Variants in PCDHGA5 observed in about 807,000 individuals in gnomAD.
PCDHGA5 encodes the protein protocadherin gamma-A5.
A neutral mutation model predicts 56.7 loss-of-function variants in PCDHGA5; 36 were observed. That is an observed-to-expected ratio of 0.64 (90% confidence interval 0.49 to 0.84). PCDHGA5 has a LOEUF of 0.84. PCDHGA5 is among the 40% of genes least tolerant of loss of function. The probability of loss-of-function intolerance (pLI) is 0.00; values close to 1 mark genes in which losing one functional copy is unlikely to be tolerated. For missense variants in PCDHGA5, 1,305 were observed against 1,201.5 expected, an observed-to-expected ratio of 1.09 and a Z score of -1.27; for synonymous variants, 563 against 520.2, an observed-to-expected ratio of 1.08 and a Z score of -1.12.
In PCDHGA5 at chr5:141,486,748, T is replaced by C; in HGVS notation, c.2422-8059T>C. ...TTCATGCTACTCGATCCTTTGACTA[T>C]GAGCAAACCCAGACACTGCAGTTTG... is the stretch of plus-strand genomic sequence containing the variant. On this transcript the variant is annotated intron_variant, in intron 1 of 3. Coordinates refer to ENST00000518069, the MANE Select transcript of PCDHGA5 (RefSeq NM_018918.3). The surrounding 1 kb of genome is among the most constrained non-coding windows in gnomAD (Gnocchi z 5.0). 6.2e-7 allele frequency: 1 copy of C among 1,614,230 alleles called. No individual in the cohort carries two copies. The highest frequency in any genetic ancestry group is 8.5e-7 in the Non-Finnish European group (1 of 1,180,042).
chr5:141,443,999 T>C (rs2098413024), intron 1 of PCDHGA5, among the ~76,000 whole-genome samples: 1 of 152,136 alleles, frequency 6.6e-6, no homozygotes, highest in Non-Finnish European at 1.5e-5. Context: ...TTTTAAATGC[T>C]ACCTGGGTAT....
chr5:141,370,936 T>C (rs1410454711), intron 1 of PCDHGA5: 1 of 1,613,960 alleles, frequency 6.2e-7, no homozygotes, highest in South Asian at 1.1e-5. Flanking sequence ...TTCTCTTTGA[T>C]TCAGAAGGAG....
In PCDHGA5 at chr5:141,419,578, G is replaced by A. The variant is rs1339676992; in HGVS notation, c.2421+52827G>A. The A allele has an allele frequency of 1.9e-6, 3 of 1,611,604 alleles. No individual in the cohort carries two copies. In the Admixed American group the frequency reaches 5.0e-5, roughly 27 times the overall value. On this transcript the variant is annotated intron_variant, in intron 1 of 3. Transcript: ENST00000518069. ...CTGCGCTGGGTCCCGACGGCTCCGC[G>A]CTCTTCGACACAGTGCCGCGGGCCG...
In PCDHGA5 at chr5:141,409,552, A is replaced by C. The variant is rs777125488; in HGVS notation, c.2421+42801A>C. On this transcript the variant is annotated intron_variant, in intron 1 of 3. Transcript: ENST00000518069. ...TCGCTGACATCAACGACAACGCCCC[A>C]GTTTTCGACCAGACGTCCTACGTGG... 9 of 1,613,844 alleles carry C rather than the reference A, an allele frequency of 5.6e-6. No homozygotes were observed. The East Asian group carries it at 1.1e-4, about 20-fold the overall frequency.
Position 141,491,717 on chromosome 5 carries a change from C to A in PCDHGA5, c.2422-3090C>A. ...CGGAGCCAGGTGAGGGGCTCGGCGC[C>A]GCCCCGGGCGACCCCTGGGGGCGGC... On this transcript the variant is annotated intron_variant, in intron 1 of 3. Coordinates refer to ENST00000518069, the MANE Select transcript of PCDHGA5 (RefSeq NM_018918.3). The surrounding 1 kb of genome is among the most constrained non-coding windows in gnomAD (Gnocchi z 6.9). 1 of 1,607,940 alleles carries A rather than the reference C, an allele frequency of 6.2e-7. No individual in the cohort carries two copies. Among genetic ancestry groups the A allele is most frequent in the Middle Eastern group, 1.7e-4 (1 of 6,010 alleles).
At chr5:141,502,887 G>T (rs2099816882) in intron 2 of PCDHGA5, among the ~76,000 whole-genome samples, 1 of 40,910 alleles carries the variant, frequency 2.4e-5, no homozygotes, top group Non-Finnish European at 4.5e-5. Context: ...TTTTGACAGG[G>T]AGTCTAGCTC....
chr5:141,395,439 A>G, intron 1 of PCDHGA5: 1 of 679,568 alleles, frequency 1.5e-6, no homozygotes, highest in Non-Finnish European at 2.3e-6. Context: ...AACGACTTGG[A>G]AAAGATTGTT....
chr5:141,475,098 C>G (rs1252108172), intron 1 of PCDHGA5, among the ~76,000 whole-genome samples: 1 of 152,108 alleles, frequency 6.6e-6, no homozygotes, highest in East Asian at 1.9e-4. Flanking sequence ...TTATAAAGAT[C>G]CTAGGTGGTA....
At chr5:141,405,316 T>C (rs752153213) in intron 1 of PCDHGA5, 5 of 1,614,232 alleles carry the variant, frequency 3.1e-6, no homozygotes, top group Non-Finnish European at 4.2e-6. Context: ...GTGAGAAAAA[T>C]GAGCCTTTGT....
chr5:141,400,465 T>G (rs769092002), intron 1 of PCDHGA5: 2 of 1,614,060 alleles, frequency 1.2e-6, no homozygotes, highest in Admixed American at 1.7e-5. Context: ...TTGTGGTGAT[T>G]CATCTGGGGC....
chr5:141,509,255 T>A (rs1434555633), intron 3 of PCDHGA5, among the ~76,000 whole-genome samples: 1 of 152,158 alleles, frequency 6.6e-6, no homozygotes, highest in African/African-American at 2.4e-5. Flanking sequence ...CCTCTCCGGC[T>A]TTAGTCACTC....
chr5:141,487,608 G>A lies in PCDHGA5; in HGVS notation c.2422-7199G>A, dbSNP rs970411391. On this transcript the variant is annotated intron_variant, in intron 1 of 3. Coordinates refer to ENST00000518069, the MANE Select transcript of PCDHGA5 (RefSeq NM_018918.3). The surrounding 1 kb of genome is among the most constrained non-coding windows in gnomAD (Gnocchi z 5.0). ...TGCCCACCCTCTGATCTTCTCTATG[G>A]GCTAGAGGTGAGACCTTTGCAGGCT... 1 of 1,614,182 alleles carries A rather than the reference G, an allele frequency of 6.2e-7. No individual in the cohort carries two copies. Among genetic ancestry groups the A allele is most frequent in the African/African-American group, 1.3e-5 (1 of 75,050 alleles).
intron 1 of PCDHGA5, among the ~76,000 whole-genome samples, chr5:141,460,724 A>G (rs1294708205): frequency 6.6e-6 from 1 of 152,114 alleles, no homozygotes; most frequent in Non-Finnish European, 1.5e-5. Flanking sequence ...TGTTATAAGC[A>G]TATATACACA....
chr5:141,388,769 C>T (rs1216196772), intron 1 of PCDHGA5: 23 of 1,613,914 alleles, frequency 1.4e-5, no homozygotes, highest in Non-Finnish European at 1.9e-5. Flanking sequence ...TGAACTCTAA[C>T]ACCGGGGAAA....
rs773471969 is a variant in PCDHGA5, at chr5:141,422,101, A to G, written c.2421+55350A>G. 11 of 1,610,046 alleles carry G rather than the reference A, an allele frequency of 6.8e-6. No individual in the cohort carries two copies. The highest frequency in any genetic ancestry group is 4.5e-5 in the East Asian group (2 of 44,870). ...GAACATGGAAAGCAAGGCTTCTGAA[A>G]TATTCCAATTGGATTCACAAACTGG... On this transcript the variant is annotated intron_variant, in intron 1 of 3. Coordinates refer to ENST00000518069, the MANE Select transcript of PCDHGA5 (RefSeq NM_018918.3).
intron 1 of PCDHGA5, among the ~76,000 whole-genome samples, chr5:141,462,363 G>C (rs1425898350): frequency 6.6e-6 from 1 of 152,132 alleles, no homozygotes; most frequent in Non-Finnish European, 1.5e-5. Context: ...ACATTGTATA[G>C]TTTCTATTCT....
chr5:141,490,251 A>G lies in PCDHGA5; in HGVS notation c.2422-4556A>G, dbSNP rs1479384008. ...CCATGGAGGGCCACTGTGTGATTCA[A>G]GTGGATGTGGGGGATGTCAATGACA... is the stretch of plus-strand genomic sequence containing the variant. On this transcript the variant is annotated intron_variant, in intron 1 of 3. Coordinates refer to ENST00000518069, the MANE Select transcript of PCDHGA5 (RefSeq NM_018918.3). This position sits in a 1 kb window ranked among gnomAD's most constrained non-coding sequence, Gnocchi z 5.4. 6.2e-7 allele frequency: 1 copy of G among 1,614,210 alleles called. No homozygotes were observed. Among genetic ancestry groups the G allele is most frequent in the Non-Finnish European group, 8.5e-7 (1 of 1,180,036 alleles).
intron 1 of PCDHGA5, chr5:141,374,380 C>T (rs1263045322): frequency 1.2e-6 from 2 of 1,613,894 alleles, no homozygotes; most frequent in Non-Finnish European, 1.7e-6. Context: ...GTGCTCAGAG[C>T]CCGCGGTGTC....
At chr5:141,386,203 G>A (rs2090496623) in intron 1 of PCDHGA5, among the ~76,000 whole-genome samples, 1 of 152,140 alleles carries the variant, frequency 6.6e-6, no homozygotes, top group Non-Finnish European at 1.5e-5. Flanking sequence ...TAGACCAGTA[G>A]TTGATTTTAT....
Sources: allele counts gnomAD v4.1 joint callset (sites outside exome capture counted in the v4.1 genomes callset), GRCh38; gene constraint gnomAD v4.1.1; non-coding constraint Gnocchi (gnomAD v3.1); transcripts MANE v1.5; gene names NCBI Gene and HGNC (gene_info 2026-07-23, HGNC 2026-07-21).